ATP8A2: variants seen among roughly 807,000 people sequenced by gnomAD.
The protein encoded by ATP8A2 is phospholipid-transporting ATPase IB.
In ATP8A2, 100 loss-of-function variants were observed where a neutral mutation model predicts 165.6. The ratio of observed to expected loss-of-function variants is 0.60; its 90% CI spans 0.51 to 0.71. ATP8A2 has a LOEUF of 0.71. ATP8A2 is among the 30% of genes least tolerant of loss of function. ATP8A2 has a pLI of 0.00. For missense variants in ATP8A2, 1,227 were observed against 1,479.5 expected (o/e 0.83, Z 2.80); for synonymous variants, 543 against 548.8 (o/e 0.99, Z 0.15).
At chr13:25,542,290 G>A (rs183144512) in intron 9 of ATP8A2, among the ~76,000 whole-genome samples, 27 of 152,064 alleles carry the variant, frequency 1.8e-4, no homozygotes, top group Middle Eastern at 6.9e-3. Context: ...AGGAGAAATG[G>A]TTTTAGCTGC....
Position 25,571,641 on chromosome 13 carries a change from G to C in ATP8A2, c.1611G>C (p.Lys537Asn). 1 of 1,613,994 alleles carries C rather than the reference G, an allele frequency of 6.2e-7. No homozygotes were observed. Among genetic ancestry groups the C allele is most frequent in the Non-Finnish European group, 8.5e-7 (1 of 1,179,986 alleles). The stretch of plus-strand genomic sequence containing the variant: ...CTGCTTTGGTGAAAGGAGCTAAAAA[G>C]CTGGGCTTTGTCTTCACAGCCAGAA... ...DEAALVKGAK[K>N]LGFVFTARTP... The change falls in exon 18 of 37, where the codon AAG (lysine) becomes AAC (asparagine). Residue 537 changes from lysine to asparagine, a missense_variant. By Grantham distance (94) the Lys-to-Asn change is moderately conservative. This residue lies in a region of ATP8A2 where 592 missense variants were observed against 785.6 expected (regional missense o/e 0.75). Coordinates refer to ENST00000381655, the MANE Select transcript of ATP8A2 (RefSeq NM_016529.6).
intron 24 of ATP8A2, among the ~76,000 whole-genome samples, chr13:25,593,446 T>C (rs1243374045): frequency 2.0e-5 from 3 of 152,212 alleles, no homozygotes; most frequent in African/African-American, 4.8e-5. Context: ...AAATAACTTC[T>C]AAGCTCCATA....
At chr13:25,894,233 G>A (rs1185610057) in intron 33 of ATP8A2, among the ~76,000 whole-genome samples, 1 of 152,122 alleles carries the variant, frequency 6.6e-6, no homozygotes, top group East Asian at 1.9e-4. Context: ...AAGGGATCCA[G>A]TTTCAGCTTT....
intron 24 of ATP8A2, among the ~76,000 whole-genome samples, chr13:25,640,196 A>G (rs2041480432): frequency 6.6e-6 from 1 of 152,216 alleles, no homozygotes; most frequent in Non-Finnish European, 1.5e-5. Context: ...TAAAAGAACT[A>G]GAGAAACAAG....
At position 25,372,256 on chromosome 13, in the gene ATP8A2, T is replaced by C; in HGVS notation, c.44T>C (p.Leu15Pro). 2.1e-6 allele frequency: 3 copies of C among 1,463,392 alleles called. No homozygotes were observed. The highest frequency in any genetic ancestry group is 2.7e-6 in the Non-Finnish European group (3 of 1,102,682). 90.7% of individuals were successfully genotyped at this position (1,463,392 alleles called of 1,614,324 possible). The change falls in exon 1 of 37, where the codon CTG (leucine) becomes CCG (proline). Residue 15 changes from leucine (L) to proline (P), a missense_variant. Transcript: ENST00000381655. The surrounding 1 kb of genome is among the most constrained non-coding windows in gnomAD (Gnocchi z 4.8). ...CTGGACAAAGCTCTTAAGATGTCCC[T>C]GCCGCGGAGGTCGAGGATCCGCTCG... ...AGLDKALKMS[L>P]PRRSRIRSSV...
chr13:25,884,719 GA>G (rs1224952654), intron 33 of ATP8A2, among the ~76,000 whole-genome samples: 1 of 152,194 alleles, frequency 6.6e-6, no homozygotes, highest in East Asian at 1.9e-4. Context: ...AGCATGCTTT[GA>G]AAAGTAAAAT....
intron 34 of ATP8A2, among the ~76,000 whole-genome samples, chr13:25,962,988 C>G (rs913268958): frequency 6.6e-6 from 1 of 152,008 alleles, no homozygotes; most frequent in South Asian, 2.1e-4. Flanking sequence ...ACCATTACTT[C>G]CATTTTATTT....
At chr13:25,776,245 G>A (rs1357478063) in intron 27 of ATP8A2, among the ~76,000 whole-genome samples, 1 of 152,312 alleles carries the variant, frequency 6.6e-6, no homozygotes, top group Admixed American at 6.5e-5. Context: ...GCCCCTTGTG[G>A]GCTGGGGAGC....
At chr13:25,891,728 C>A (rs1394595086) in intron 33 of ATP8A2, among the ~76,000 whole-genome samples, 2 of 152,164 alleles carry the variant, frequency 1.3e-5, no homozygotes, top group South Asian at 2.1e-4. Flanking sequence ...GGAGGGGATG[C>A]GCTATAATTC....
intron 27 of ATP8A2, among the ~76,000 whole-genome samples, chr13:25,799,442 T>A (rs1950572211): frequency 6.6e-6 from 1 of 152,214 alleles, no homozygotes; most frequent in African/African-American, 2.4e-5. Context: ...AACATCATAT[T>A]TTTAACTCCT....
chr13:25,512,898 G>T (rs1214695049), intron 2 of ATP8A2, among the ~76,000 whole-genome samples: 1 of 136,482 alleles, frequency 7.3e-6, no homozygotes, highest in African/African-American at 2.8e-5. Flanking sequence ...GGGGTGGCTG[G>T]CCAGGCGGGG....
At chr13:25,777,788 G>C (rs1214604289) in intron 27 of ATP8A2, among the ~76,000 whole-genome samples, 1 of 152,214 alleles carries the variant, frequency 6.6e-6, no homozygotes, top group African/African-American at 2.4e-5. Flanking sequence ...ATGTAATGCA[G>C]TCTACTCACT....
chr13:26,019,798 A>G, intron 36 of ATP8A2, 90 bp from the exon 37 acceptor site: 1 of 864,044 alleles, frequency 1.2e-6, no homozygotes, highest in Non-Finnish European at 2.0e-6. Flanking sequence ...ACTCACCCGC[A>G]CGCTGCCAAA....
At chr13:25,531,317 T>TA (rs2038068118) in intron 4 of ATP8A2, among the ~76,000 whole-genome samples, 1 of 124,744 alleles carries the variant, frequency 8.0e-6, no homozygotes, top group African/African-American at 3.3e-5. Flanking sequence ...GATATATATG[T>TA]TATATATGAT....
chr13:25,474,893 C>T (rs1365363101), intron 2 of ATP8A2, among the ~76,000 whole-genome samples: 1 of 151,858 alleles, frequency 6.6e-6, no homozygotes, highest in East Asian at 1.9e-4. Context: ...TGCAGTGGTG[C>T]AATCTCGGCT....
At chr13:25,924,367 T>C (rs1240776470) in intron 33 of ATP8A2, among the ~76,000 whole-genome samples, 1 of 152,092 alleles carries the variant, frequency 6.6e-6, no homozygotes, top group Non-Finnish European at 1.5e-5. Flanking sequence ...TGAGAGAAAA[T>C]CTGTTCCAGG....
intron 24 of ATP8A2, among the ~76,000 whole-genome samples, chr13:25,644,517 A>ATTTT (rs35771674): frequency 1.4e-5 from 2 of 147,776 alleles, no homozygotes; most frequent in African/African-American, 2.5e-5. Context: ...GGCTTGCAGT[A>ATTTT]TTTTTTTTTT....
chr13:25,849,972 A>T (rs1318854565), intron 30 of ATP8A2, among the ~76,000 whole-genome samples: 1 of 152,140 alleles, frequency 6.6e-6, no homozygotes, highest in Non-Finnish European at 1.5e-5. Flanking sequence ...ATTTTATCAA[A>T]CCAAGCACAT....
intron 35 of ATP8A2, among the ~76,000 whole-genome samples, chr13:25,969,663 A>T (rs7994567): frequency 0.011 from 1,631 of 152,320 alleles, 27 homozygotes; most frequent in African/African-American, 0.036. Flanking sequence ...TTTCAAACAG[A>T]TTTTAGAAAA....
Sources: allele counts gnomAD v4.1 joint callset (sites outside exome capture counted in the v4.1 genomes callset), GRCh38; gene constraint gnomAD v4.1.1; regional missense constraint gnomAD v4.1.1; non-coding constraint Gnocchi (gnomAD v3.1); transcripts MANE v1.5; gene names NCBI Gene and HGNC (gene_info 2026-07-23, HGNC 2026-07-21).